The following DCC variants were observed in gnomAD, a reference collection of about 807,000 sequenced individuals.
DCC encodes DCC netrin 1 receptor, also known as netrin receptor DCC.
A neutral mutation model predicts 172.5 loss-of-function variants in DCC; 58 were observed. That is an observed-to-expected ratio of 0.34 (90% CI 0.27 to 0.42). The LOEUF (loss-of-function observed/expected upper bound fraction) is 0.42. DCC is among the 10% of genes least tolerant of loss of function. The probability of loss-of-function intolerance (pLI) is 1.00; values close to 1 mark genes in which losing one functional copy is unlikely to be tolerated. For missense variants in DCC, 1,740 were observed against 1,791.0 expected (o/e 0.97, Z 0.51); for synonymous variants, 709 against 644.5 (o/e 1.10, Z -1.52).
Position 53,466,579 on chromosome 18 carries a change from G to A in DCC, c.3620-1315G>A, listed in dbSNP as rs937027643. ...CTCTCTCTGTCACCCAAGCTGGAGT[G>A]CAGTGGCGCAATCTCAGCTCATTGC... On this transcript the variant is annotated intron_variant, in intron 24 of 28. Transcript: ENST00000442544. 2.6e-5 allele frequency among the ~76,000 whole-genome samples: 4 copies of A among 152,152 alleles called. No homozygotes were observed. The East Asian group carries it at 5.8e-4, about 22-fold the overall frequency.
rs2040219669 is a variant in DCC at position 52,927,070 on chromosome 18, CATATATGT to C, written c.985+1701_985+1708del. ...ACATATATATACACATATATACACACATATATGTGTATATACACGTATATACGTGTATA... is the reference window on the plus strand; with the variant it reads ...ACATATATATACACATATATACACACGTATATACACGTATATACGTGTATA... On this transcript the variant is annotated intron_variant, in intron 5 of 28. Transcript: ENST00000442544. 5.5e-5 allele frequency among the ~76,000 whole-genome samples: 4 copies of C among 72,476 alleles called. 1 individual carries two copies. Among genetic ancestry groups the C allele is most frequent in the African/African-American group, 1.9e-4 (4 of 21,028 alleles). The allele number at this position is 72,476 out of a possible 152,430, so 47.5% of individuals were successfully genotyped here. A position where few individuals can be genotyped will look rare whatever the true frequency, so the allele number is the denominator to read the frequency against.
intron 1 of DCC, among the ~76,000 whole-genome samples, chr18:52,554,415 A>G (rs1240481419): frequency 3.3e-5 from 5 of 152,078 alleles, no homozygotes. Flanking sequence ...CTTCCAACTG[A>G]TATTGATTGA....
intron 2 of DCC, among the ~76,000 whole-genome samples, chr18:52,902,458 G>C (rs1230662429): frequency 1.3e-5 from 2 of 152,136 alleles, no homozygotes; most frequent in African/African-American, 4.8e-5. Flanking sequence ...ATGGGCTGTG[G>C]TTGAGCAGGT....
chr18:53,468,998 A>G (rs999457915), intron 25 of DCC, among the ~76,000 whole-genome samples: 5 of 152,106 alleles, frequency 3.3e-5, no homozygotes, highest in African/African-American at 1.2e-4. Context: ...TGTCACACCA[A>G]ATCAAACCAG....
intron 21 of DCC, among the ~76,000 whole-genome samples, chr18:53,419,580 T>C (rs1479067852): frequency 6.6e-6 from 1 of 152,288 alleles, no homozygotes; most frequent in Non-Finnish European, 1.5e-5. Context: ...CTTCAATTTG[T>C]CTGTGCTGTT....
chr18:53,504,873 T>C (rs534547918), intron 27 of DCC, among the ~76,000 whole-genome samples: 1 of 152,190 alleles, frequency 6.6e-6, no homozygotes, highest in Non-Finnish European at 1.5e-5. Context: ...AGGTCAACAA[T>C]TGAGGTGACA....
chr18:52,808,098 T>G lies in DCC; in HGVS notation c.412+55724T>G, dbSNP rs576605032. Among the ~76,000 whole-genome samples, 24 of 152,338 alleles carry G rather than the reference T, an allele frequency of 1.6e-4. No homozygotes were observed. The South Asian group carries it at 4.8e-3, about 30-fold the overall frequency. ...TTTTGCAGTTATTCCCTAGCAAGTTTCCCTTTATGTATGAGATTTCACAAG... is the reference window on the plus strand; with the variant it reads ...TTTTGCAGTTATTCCCTAGCAAGTTGCCCTTTATGTATGAGATTTCACAAG... On this transcript the variant is annotated intron_variant, in intron 2 of 28. Transcript: ENST00000442544.
intron 15 of DCC, among the ~76,000 whole-genome samples, chr18:53,370,401 G>T (rs2144955555): frequency 6.6e-6 from 1 of 151,630 alleles, no homozygotes; most frequent in South Asian, 2.1e-4. Flanking sequence ...AACTAGCTTT[G>T]GGTTTCATTG....
intron 3 of DCC, among the ~76,000 whole-genome samples, chr18:52,906,853 C>A (rs2039890872): frequency 5.8e-5 from 2 of 34,640 alleles, no homozygotes; most frequent in Non-Finnish European, 1.9e-4. Flanking sequence ...TTTTACAGGG[C>A]TGTTTTTTTT....
chr18:53,056,668 T>C (rs2042408467), intron 5 of DCC, among the ~76,000 whole-genome samples: 1 of 152,134 alleles, frequency 6.6e-6, no homozygotes, highest in African/African-American at 2.4e-5. Flanking sequence ...TTATGTCCAG[T>C]ATTTCAACAA....
chr18:52,979,732 C>T (rs1432440761), intron 5 of DCC, among the ~76,000 whole-genome samples: 1 of 152,164 alleles, frequency 6.6e-6, no homozygotes, highest in Non-Finnish European at 1.5e-5. Flanking sequence ...ATGAGAAGAG[C>T]ACCAATGGGT....
chr18:53,127,703 T>G (rs1427225960), intron 7 of DCC, among the ~76,000 whole-genome samples: 2 of 152,186 alleles, frequency 1.3e-5, no homozygotes, highest in Non-Finnish European at 2.9e-5. Flanking sequence ...AAGTAGTTAC[T>G]TTGGAAAATG....
At chr18:53,523,238 G>A (rs2046419803) in intron 27 of DCC, among the ~76,000 whole-genome samples, 1 of 152,070 alleles carries the variant, frequency 6.6e-6, no homozygotes, top group African/African-American at 2.4e-5. Context: ...CAGTTAGAAT[G>A]GCAATCATTA....
intron 21 of DCC, among the ~76,000 whole-genome samples, chr18:53,427,596 G>T (rs140838297): frequency 6.6e-6 from 1 of 151,500 alleles, no homozygotes; most frequent in African/African-American, 2.4e-5. Context: ...TGTCACATAG[G>T]TTAGAACTTA....
chr18:53,445,763 C>T (rs1429534519), intron 22 of DCC, among the ~76,000 whole-genome samples: 3 of 151,790 alleles, frequency 2.0e-5, no homozygotes, highest in African/African-American at 7.3e-5. Context: ...AACATTTTAT[C>T]ATGTTCAAAC....
intron 5 of DCC, among the ~76,000 whole-genome samples, chr18:53,040,837 G>C (rs2042159081): frequency 6.6e-6 from 1 of 151,918 alleles, no homozygotes; most frequent in Non-Finnish European, 1.5e-5. Context: ...CTGCAAATGT[G>C]GAACCACTGA....
At chr18:52,886,034 A>G (rs1446682946) in intron 2 of DCC, among the ~76,000 whole-genome samples, 2 of 151,802 alleles carry the variant, frequency 1.3e-5, no homozygotes, top group Non-Finnish European at 2.9e-5. Context: ...AAGATGCAAG[A>G]CAAAGTCCTC....
chr18:52,946,983 T>C lies in DCC; in HGVS notation c.985+21613T>C, dbSNP rs534025759. ...TAAACACAGAATCTGACCACCCATC[T>C]GCATGGCTCACCTACTCACCTCACC... On this transcript the variant is annotated intron_variant, in intron 5 of 28. Transcript: ENST00000442544. Among the ~76,000 whole-genome samples, 14 of 146,160 alleles carry C rather than the reference T, an allele frequency of 9.6e-5. No homozygotes were observed. In the South Asian group the frequency reaches 1.1e-3, roughly 12 times the overall value.
intron 12 of DCC, among the ~76,000 whole-genome samples, chr18:53,221,464 C>T (rs1182325431): frequency 1.3e-5 from 2 of 152,106 alleles, no homozygotes; most frequent in Admixed American, 6.5e-5. Context: ...GAAAAGTGAA[C>T]GTTCTTTCAC....
Sources: gnomAD v4.1 joint callset for allele counts (sites outside exome capture counted in the v4.1 genomes callset) on GRCh38, gnomAD v4.1.1 for gene constraint, MANE v1.5 for transcripts, NCBI Gene and HGNC (gene_info 2026-07-23, HGNC 2026-07-21) for gene names.